Variants in ERBB4 observed in about 807,000 individuals in gnomAD.
The protein encoded by ERBB4 is erb-b2 receptor tyrosine kinase 4.
Under a neutral mutation model 158.0 loss-of-function variants are expected in ERBB4, and 42 were observed. The observed-to-expected ratio is 0.27, with a 90% CI of 0.21 to 0.34. The LOEUF is 0.34. Among genes scored for constraint, ERBB4 ranks in the 10% least tolerant of loss-of-function variants. ERBB4 has a pLI of 1.00. For missense variants in ERBB4, 1,333 were observed against 1,624.1 expected (o/e 0.82, Z 3.08); for synonymous variants, 583 against 558.7 (o/e 1.04, Z -0.61).
At chr2:211,783,349 T>A (rs1297337429) in intron 4 of ERBB4, among the ~76,000 whole-genome samples, 5 of 152,240 alleles carry the variant, frequency 3.3e-5, no homozygotes, top group Admixed American at 3.3e-4. Context: ...CCTAATTGAA[T>A]ACCCTTTATT....
At chr2:212,099,812 C>CT (rs529318128) in intron 2 of ERBB4, among the ~76,000 whole-genome samples, 1 of 141,596 alleles carries the variant, frequency 7.1e-6, no homozygotes, top group Non-Finnish European at 1.5e-5. Context: ...TCTCTCTTTT[C>CT]TTTTTTTCCT....
chr2:211,846,689 A>G (rs1397530324), intron 3 of ERBB4, among the ~76,000 whole-genome samples: 2 of 152,116 alleles, frequency 1.3e-5, no homozygotes, highest in Non-Finnish European at 2.9e-5. Flanking sequence ...ATATCCTCCT[A>G]CACACCTCCT....
At chr2:212,437,057 G>A (rs1395090435) in intron 1 of ERBB4, among the ~76,000 whole-genome samples, 2 of 151,972 alleles carry the variant, frequency 1.3e-5, no homozygotes, top group South Asian at 2.1e-4. Flanking sequence ...AAAGCAAACC[G>A]TATAATCTCA....
intron 19 of ERBB4, among the ~76,000 whole-genome samples, chr2:211,571,041 C>CTTTTTTTTTTTTTTT (rs549254649): frequency 4.6e-5 from 5 of 109,076 alleles, no homozygotes; most frequent in African/African-American, 1.8e-4. Flanking sequence ...TACTCTTCTT[C>CTTTTTTTTTTTTTTT]TTTTTTTTTT....
At chr2:212,131,842 A>T (rs1237284152) in intron 1 of ERBB4, among the ~76,000 whole-genome samples, 1 of 152,210 alleles carries the variant, frequency 6.6e-6, no homozygotes, top group Non-Finnish European at 1.5e-5. Context: ...TCAACAGGTA[A>T]AGAACCATAA....
At chr2:212,172,614 A>C (rs1317359913) in intron 1 of ERBB4, among the ~76,000 whole-genome samples, 2 of 152,170 alleles carry the variant, frequency 1.3e-5, no homozygotes, top group African/African-American at 4.8e-5. Flanking sequence ...AAAAGGAAGG[A>C]GACCATATTT....
intron 14 of ERBB4, among the ~76,000 whole-genome samples, chr2:211,671,863 ACT>A (rs1189045554): frequency 4.6e-5 from 7 of 152,274 alleles, no homozygotes; most frequent in African/African-American, 1.7e-4. Flanking sequence ...TATTTCTCAC[ACT>A]GTTAGTTAAT....
At chr2:212,072,362 A>AG (rs2078147017) in intron 2 of ERBB4, among the ~76,000 whole-genome samples, 1 of 151,992 alleles carries the variant, frequency 6.6e-6, no homozygotes, top group Non-Finnish European at 1.5e-5. Context: ...GACAGGTAGT[A>AG]GCGTAGAATG....
chr2:211,790,612 T>A (rs776334955), intron 3 of ERBB4, among the ~76,000 whole-genome samples: 2 of 152,018 alleles, frequency 1.3e-5, no homozygotes, highest in Non-Finnish European at 2.9e-5. Flanking sequence ...GAGACAATAA[T>A]AAATCCAGCA....
chr2:212,420,634 A>C (rs149871201), intron 1 of ERBB4, among the ~76,000 whole-genome samples: 1 of 152,244 alleles, frequency 6.6e-6, no homozygotes, highest in Non-Finnish European at 1.5e-5. Flanking sequence ...ATCCTCTTAT[A>C]GAAGTTTCTT....
At chr2:211,700,231 C>T (rs1043082786) in intron 12 of ERBB4, among the ~76,000 whole-genome samples, 2 of 152,152 alleles carry the variant, frequency 1.3e-5, no homozygotes, top group East Asian at 1.9e-4. Flanking sequence ...CATGTACACA[C>T]ACATATTGTG....
intron 20 of ERBB4, among the ~76,000 whole-genome samples, chr2:211,549,470 T>C (rs534377522): frequency 6.6e-6 from 1 of 152,154 alleles, no homozygotes; most frequent in East Asian, 1.9e-4. Context: ...CAAGGGATGG[T>C]GAATGCATGG....
At chr2:212,130,523 T>A (rs1416138668) in intron 1 of ERBB4, among the ~76,000 whole-genome samples, 1 of 152,040 alleles carries the variant, frequency 6.6e-6, no homozygotes, top group African/African-American at 2.4e-5. Context: ...AAAAGTAAAA[T>A]AATGAAACCT....
At chr2:211,451,104 C>T (rs1199719956) in intron 20 of ERBB4, among the ~76,000 whole-genome samples, 26 of 152,062 alleles carry the variant, frequency 1.7e-4, no homozygotes, top group Non-Finnish European at 2.9e-5. Context: ...AAAAGAAAAA[C>T]TCACAGGGAC....
At chr2:212,100,702 C>G (rs1032395360) in intron 2 of ERBB4, among the ~76,000 whole-genome samples, 1 of 152,086 alleles carries the variant, frequency 6.6e-6, no homozygotes, top group African/African-American at 2.4e-5. Flanking sequence ...ATGAAATAAA[C>G]GAAGTGACTA....
intron 2 of ERBB4, among the ~76,000 whole-genome samples, chr2:212,009,486 C>T (rs2076334818): frequency 6.6e-6 from 1 of 151,570 alleles, no homozygotes; most frequent in Non-Finnish European, 1.5e-5. Context: ...TGATTTTGGC[C>T]TTATGACCAC....
chr2:212,068,275 A>G (rs971290133), intron 2 of ERBB4, among the ~76,000 whole-genome samples: 2 of 152,044 alleles, frequency 1.3e-5, no homozygotes, highest in African/African-American at 4.8e-5. Flanking sequence ...ATAAATGGCA[A>G]CTGAGAGTAA....
At chr2:212,246,526 A>G (rs1175447925) in intron 1 of ERBB4, among the ~76,000 whole-genome samples, 1 of 152,234 alleles carries the variant, frequency 6.6e-6, no homozygotes, top group African/African-American at 2.4e-5. Context: ...AATGAATATG[A>G]TGTAATCAAG....
chr2:211,678,343 G>T (rs1299861872), intron 13 of ERBB4, among the ~76,000 whole-genome samples: 1 of 149,154 alleles, frequency 6.7e-6, no homozygotes, highest in Non-Finnish European at 1.5e-5. Flanking sequence ...AAGAAAACTT[G>T]CACTCCAGAT....
Sources: allele counts gnomAD v4.1 joint callset (sites outside exome capture counted in the v4.1 genomes callset), GRCh38; gene constraint gnomAD v4.1.1; transcripts MANE v1.5; gene names NCBI Gene and HGNC (gene_info 2026-07-23, HGNC 2026-07-21).